CHERP: variants seen among roughly 807,000 people sequenced by gnomAD.
CHERP encodes the protein calcium homeostasis endoplasmic reticulum protein.
Under a neutral mutation model 113.8 loss-of-function variants are expected in CHERP, and 8 were observed. The observed-to-expected ratio is 0.07, with a 90% CI of 0.04 to 0.13. The LOEUF is 0.13. CHERP is among the 10% of genes least tolerant of loss of function. The probability of loss-of-function intolerance (pLI) is 1.00; values close to 1 mark genes in which losing one functional copy is unlikely to be tolerated. For synonymous variants in CHERP, 559 were observed against 524.5 expected, an observed-to-expected ratio of 1.07 and a Z score of -0.90; for missense variants, 884 against 1,298.2, an observed-to-expected ratio of 0.68 and a Z score of 4.90.
chr19:16,519,475 G>T lies in CHERP; in HGVS notation c.2558-123C>A. ...AATGGGTAGAGAGAACCCGCAGGCCGGCCCTGTCTAGAGGGTCTGGGTGGA... is the reference window on the plus strand; with the variant it reads ...AATGGGTAGAGAGAACCCGCAGGCCTGCCCTGTCTAGAGGGTCTGGGTGGA... On this transcript the variant is annotated intron_variant, in intron 16 of 16. Transcript: ENST00000546361. The surrounding 1 kb of genome is among the most constrained non-coding windows in gnomAD (Gnocchi z 6.0). The T allele has an allele frequency of 7.9e-7, 1 of 1,272,206 alleles. No individual in the cohort carries two copies. The allele number at this position is 1,272,206 out of a possible 1,614,324, so 78.8% of individuals were successfully genotyped here.
At position 16,519,120 on chromosome 19, in the gene CHERP, G is replaced by C. The variant is rs751715851; in HGVS notation, c.*39C>G. The C allele has an allele frequency of 1.9e-6, 3 of 1,580,458 alleles. No homozygotes were observed. In the East Asian group the frequency reaches 6.9e-5, roughly 36 times the overall value. On this transcript the variant is annotated 3_prime_UTR_variant, in exon 17 of 17. Coordinates refer to ENST00000546361, the MANE Select transcript of CHERP (RefSeq NM_006387.6). This position sits in a 1 kb window ranked among gnomAD's most constrained non-coding sequence, Gnocchi z 6.0. ...AGTCAGCCAGGAAGGTCCCACAGCC[G>C]GCACCGCTGGCCACCGGCGCGGCTC...
rs1252350670 is a variant in CHERP at position 16,519,742 on chromosome 19, T to C, written c.2463-27A>G. On this transcript the variant is annotated intron_variant, in intron 15 of 16. Coordinates refer to ENST00000546361, the MANE Select transcript of CHERP (RefSeq NM_006387.6). This position sits in a 1 kb window ranked among gnomAD's most constrained non-coding sequence, Gnocchi z 6.0. Reference sequence around the variant, plus strand: ...TAAAATCGAGACAGGTTATTCTTTTTAAGAAGTAACTGAGACATTTATTGG... The same window carrying C: ...TAAAATCGAGACAGGTTATTCTTTTCAAGAAGTAACTGAGACATTTATTGG... 1.1e-5 allele frequency: 17 copies of C among 1,572,984 alleles called. No individual in the cohort carries two copies. In the Admixed American group the frequency reaches 2.8e-4, roughly 26 times the overall value.
In CHERP at chr19:16,523,063, G is replaced by A. The variant is rs1599747156; in HGVS notation, c.1969C>T (p.Pro657Ser). ...CTGTGGGGCATTACCTTCACGAGGG[G>A]GGCCATCAGCCCAGCAGGGAGATCG... ...YFDLPAGLMA[P>S]LVKLEDHEYK... The change falls in exon 11 of 17, where the codon CCC becomes TCC. Residue 657 changes from proline (P) to serine (S), a missense_variant. Physicochemically the swap from Pro to Ser is moderately conservative, Grantham distance 74 (BLOSUM62 -1). This residue lies in a region of CHERP where 464 missense variants were observed against 590.1 expected (regional missense o/e 0.79). Transcript: ENST00000546361. This position sits in a 1 kb window ranked among gnomAD's most constrained non-coding sequence, Gnocchi z 4.0. 1 of 1,513,760 alleles carries A rather than the reference G, an allele frequency of 6.6e-7. No individual in the cohort carries two copies. The highest frequency in any genetic ancestry group is 8.8e-7 in the Non-Finnish European group (1 of 1,134,818). 93.8% of individuals were successfully genotyped at this position (1,513,760 alleles called of 1,614,324 possible). A position where few individuals can be genotyped will look rare whatever the true frequency, so the allele number is the denominator to read the frequency against.
At chr19:16,533,182 T>C in intron 3 of CHERP, 34 bp from the exon 4 acceptor site, 4 of 1,560,480 alleles carry the variant, frequency 2.6e-6, no homozygotes, top group Non-Finnish European at 3.5e-6. Flanking sequence ...CGAGAACACA[T>C]GAGGAGGGAC....
intron 2 of CHERP, among the ~76,000 whole-genome samples, chr19:16,537,412 C>T (rs1763353088): frequency 1.3e-5 from 2 of 152,232 alleles, no homozygotes; most frequent in South Asian, 2.1e-4. Context: ...CCTGTGGCTG[C>T]GATTGTGCAT....
In CHERP at chr19:16,541,935, G is replaced by C; in HGVS notation, c.134C>G (p.Ser45Trp). ...MEKQKDNPKF[S>W]FLFGGEFYSY... ...GTAGAATTCGCCTCCGAAAAGAAAC[G>C]AGAATTTGGGGTTGTCCTTCTGCTT... The change falls in exon 2 of 17, where the codon TCG becomes TGG. Residue 45 changes from serine (S) to tryptophan (W), a missense_variant. This residue lies in a region of CHERP where 17 missense variants were observed against 50.8 expected (regional missense o/e 0.33). Transcript: ENST00000546361. The C allele has an allele frequency of 6.2e-7, 1 of 1,614,124 alleles. No individual in the cohort carries two copies. Among genetic ancestry groups the C allele is most frequent in the East Asian group, 2.2e-5 (1 of 44,878 alleles).
Position 16,520,491 on chromosome 19 carries a change from G to T in CHERP, c.2218C>A (p.Arg740=), listed in dbSNP as rs768121192. 2.5e-6 allele frequency: 4 copies of T among 1,613,498 alleles called. No homozygotes were observed. Among genetic ancestry groups the T allele is most frequent in the Non-Finnish European group, 3.4e-6 (4 of 1,179,772 alleles). The change falls in exon 14 of 17, where the codon CGG becomes AGG. Residue 740 remains arginine (R), a synonymous_variant. Transcript: ENST00000546361. This position sits in a 1 kb window ranked among gnomAD's most constrained non-coding sequence, Gnocchi z 4.0. ...EKRNSGPSRS[R]SRSKSRGRSS... ...CGCCCTCGACTCTTGGATCTGCTCCGAGACCTCGAGGGTCCGCTGTGGGGA... is the reference window on the plus strand; with the variant it reads ...CGCCCTCGACTCTTGGATCTGCTCCTAGACCTCGAGGGTCCGCTGTGGGGA...
rs755480848 is a variant in CHERP at position 16,530,756 on chromosome 19, G to A, written c.786+13C>T. On this transcript the variant is annotated intron_variant, in intron 6 of 16. Transcript: ENST00000546361. The surrounding 1 kb of genome is among the most constrained non-coding windows in gnomAD (Gnocchi z 4.1). Reference sequence around the variant, plus strand: ...CCCGGTCTTGCCCAACCCCCGGCCCGGGGCCCACGCACCCGGGCGATCTTC... The same window carrying A: ...CCCGGTCTTGCCCAACCCCCGGCCCAGGGCCCACGCACCCGGGCGATCTTC... The A allele has an allele frequency of 6.2e-6, 10 of 1,613,758 alleles. No individual in the cohort carries two copies. Among genetic ancestry groups the A allele is most frequent in the East Asian group, 2.2e-5 (1 of 44,870 alleles).
rs999157866 is a variant in CHERP at position 16,533,207 on chromosome 19, C to T, written c.385-59G>A. The T allele has an allele frequency of 1.6e-5, 25 of 1,528,264 alleles. No homozygotes were observed. In the African/African-American group the frequency reaches 1.6e-4, roughly 10 times the overall value. 94.7% of individuals were successfully genotyped at this position (1,528,264 alleles called of 1,614,324 possible). On this transcript the variant is annotated intron_variant, in intron 3 of 16. Coordinates refer to ENST00000546361, the MANE Select transcript of CHERP (RefSeq NM_006387.6). ...TGAGGAGGGACCCGCAGCCTGAGCC[C>T]TCCGGCCTGGCTCAGCAGGGGCGGG... is the stretch of plus-strand genomic sequence containing the variant.
intron 2 of CHERP, chr19:16,541,352 T>A (rs2085778393): frequency 6.6e-6 from 1 of 152,474 alleles, no homozygotes; most frequent in African/African-American, 2.4e-5. Flanking sequence ...AACTTTAAAC[T>A]TCTTTAGAGC....
intron 3 of CHERP, among the ~76,000 whole-genome samples, chr19:16,534,801 G>A (rs1034488348): frequency 2.6e-5 from 4 of 152,170 alleles, no homozygotes; most frequent in African/African-American, 9.7e-5. Context: ...TTTGGCGAAA[G>A]TTATCAAACT....
At position 16,520,420 on chromosome 19, in the gene CHERP, C is replaced by A; in HGVS notation, c.2289G>T (p.Ser763=). The part of the protein sequence containing the change: ...SNSRSSKSSG[S]YSRSRSRSCS... Reference sequence around the variant, plus strand: ...AGGAGCGCGACCTTGACCTTGAGTACGAGCCTGAAGACTTGGAGGATCTTG... The same window carrying A: ...AGGAGCGCGACCTTGACCTTGAGTAAGAGCCTGAAGACTTGGAGGATCTTG... The change falls in exon 14 of 17, where the codon TCG becomes TCT. Residue 763 remains serine (S), a synonymous_variant. Coordinates refer to ENST00000546361, the MANE Select transcript of CHERP (RefSeq NM_006387.6). This position sits in a 1 kb window ranked among gnomAD's most constrained non-coding sequence, Gnocchi z 4.0. 3.1e-6 allele frequency: 5 copies of A among 1,614,072 alleles called. No homozygotes were observed. The highest frequency in any genetic ancestry group is 2.2e-5 in the East Asian group (1 of 44,872).
chr19:16,536,191 C>T (rs1453301951), intron 2 of CHERP, among the ~76,000 whole-genome samples: 2 of 152,240 alleles, frequency 1.3e-5, no homozygotes, highest in Non-Finnish European at 2.9e-5. Flanking sequence ...ACTCTCCTTG[C>T]TTCTCCAGCC....
At position 16,529,644 on chromosome 19, in the gene CHERP, G is replaced by A. The variant is rs748518186; in HGVS notation, c.1129+4C>T. ...GGGCAGGCTGAGCTGAGGGAGCCCCGTACCAGGCTGGGTGGTGGGCGGGAT... is the reference window on the plus strand; with the variant it reads ...GGGCAGGCTGAGCTGAGGGAGCCCCATACCAGGCTGGGTGGTGGGCGGGAT... On this transcript the variant is annotated splice_donor_region_variant and intron_variant, in intron 8 of 16. Coordinates refer to ENST00000546361, the MANE Select transcript of CHERP (RefSeq NM_006387.6). 487 of 1,539,878 alleles carry A rather than the reference G, an allele frequency of 3.2e-4. 1 individual carries two copies. The highest frequency in any genetic ancestry group is 4.1e-4 in the Non-Finnish European group (470 of 1,146,792).
At chr19:16,542,140 C>G in intron 1 of CHERP, 97 bp from the exon 2 acceptor site, 1 of 1,396,528 alleles carries the variant, frequency 7.2e-7, no homozygotes, top group Non-Finnish European at 9.6e-7. Context: ...GCCGGGGACC[C>G]CAAGGGGGTG....
chr19:16,538,187 C>A (rs1037282977), intron 2 of CHERP, among the ~76,000 whole-genome samples: 1 of 152,110 alleles, frequency 6.6e-6, no homozygotes, highest in African/African-American at 2.4e-5. Context: ...CCAACTCCTC[C>A]CCAAGCCAGG....
At chr19:16,531,521 G>A (rs2085704565) in intron 5 of CHERP, among the ~76,000 whole-genome samples, 1 of 152,252 alleles carries the variant, frequency 6.6e-6, no homozygotes, top group Non-Finnish European at 1.5e-5. Flanking sequence ...ACGCAAGACA[G>A]GAGGGGAGCA....
chr19:16,517,901 A>G lies in CHERP; in HGVS notation c.*1258T>C, dbSNP rs2085559598. 1 of 152,330 alleles carries G rather than the reference A, an allele frequency of 6.6e-6. No individual in the cohort carries two copies. Among genetic ancestry groups the G allele is most frequent in the African/African-American group, 2.4e-5 (1 of 41,460 alleles). The allele number at this position is 152,330 out of a possible 1,614,324, so 9.4% of individuals were successfully genotyped here. The stretch of plus-strand genomic sequence containing the variant: ...ACATGTGCGGGAGAAAGGTCTTTAA[A>G]AAAAGGCTTTATTTGAAGGCAAAAC... On this transcript the variant is annotated 3_prime_UTR_variant, in exon 17 of 17. Coordinates refer to ENST00000546361, the MANE Select transcript of CHERP (RefSeq NM_006387.6).
chr19:16,522,016 G>A (rs1265155048), intron 11 of CHERP, among the ~76,000 whole-genome samples: 2 of 152,182 alleles, frequency 1.3e-5, no homozygotes, highest in Non-Finnish European at 2.9e-5. Flanking sequence ...CTGGGCCCCC[G>A]CTCAGAACAG....
Sources: gnomAD v4.1 joint callset for allele counts (sites outside exome capture counted in the v4.1 genomes callset) on GRCh38, gnomAD v4.1.1 for gene constraint, gnomAD v4.1.1 regional missense constraint, Gnocchi (gnomAD v3.1) non-coding constraint, MANE v1.5 for transcripts, NCBI Gene and HGNC (gene_info 2026-07-23, HGNC 2026-07-21) for gene names.